AFG2A: variants seen among roughly 807,000 people sequenced by gnomAD.
AFG2A encodes AAA ATPase AFG2A.
chr4:123,167,407 G>T, the AFG2A span, among the ~76,000 whole-genome samples: 1 of 151,882 alleles, frequency 6.6e-6, no homozygotes, highest in Admixed American at 6.6e-5. Flanking sequence ...GAGTGCAGTG[G>T]CACGATTTCG....
At chr4:123,309,854 T>G in the AFG2A span, among the ~76,000 whole-genome samples, 1 of 152,230 alleles carries the variant, frequency 6.6e-6, no homozygotes, top group Non-Finnish European at 1.5e-5. Context: ...ACCTGTATAG[T>G]GTTGCCCAAA....
At chr4:122,938,328 G>C in the AFG2A span, 1 of 1,320,442 alleles carries the variant, frequency 7.6e-7, no homozygotes, top group Admixed American at 3.0e-5. Flanking sequence ...TATTGAATGT[G>C]TCAGAGTCTT....
At chr4:123,173,558 G>T in the AFG2A span, among the ~76,000 whole-genome samples, 2 of 151,802 alleles carry the variant, frequency 1.3e-5, no homozygotes, top group Non-Finnish European at 2.9e-5. Context: ...GTTTCACCAT[G>T]TTGGCCAGGC....
the AFG2A span, among the ~76,000 whole-genome samples, chr4:123,101,214 A>G: frequency 1.3e-5 from 2 of 151,948 alleles, no homozygotes; most frequent in Admixed American, 6.6e-5. Context: ...ATTGACATGG[A>G]GATAATTAGG....
chr4:122,956,465 GGGGTATAA>G, the AFG2A span, among the ~76,000 whole-genome samples: 1 of 151,856 alleles, frequency 6.6e-6, no homozygotes, highest in Admixed American at 6.6e-5. Flanking sequence ...CTTGTTTAGA[GGGGTATAA>G]GACTTTATAA....
At chr4:122,923,200 T>A in the AFG2A span, 1 of 1,614,258 alleles carries the variant, frequency 6.2e-7, no homozygotes, top group Middle Eastern at 1.6e-4. Context: ...TGGTTCGTCC[T>A]TGCCCTCTGC....
the AFG2A span, among the ~76,000 whole-genome samples, chr4:123,106,220 G>A: frequency 6.6e-6 from 1 of 152,066 alleles, no homozygotes; most frequent in African/African-American, 2.4e-5. Flanking sequence ...TAGCAATAAA[G>A]GATTTTTAAA....
chr4:123,243,833 G>A, the AFG2A span, among the ~76,000 whole-genome samples: 25 of 151,592 alleles, frequency 1.6e-4, no homozygotes, highest in South Asian at 1.9e-3. Flanking sequence ...CCTGGGCACC[G>A]TAGGGAGACC....
the AFG2A span, chr4:123,057,148 C>A: frequency 6.4e-7 from 1 of 1,568,010 alleles, no homozygotes; most frequent in African/African-American, 1.4e-5. Flanking sequence ...TTAAAACAAA[C>A]CAACTACAGA....
chr4:123,102,798 C>CTG, the AFG2A span, among the ~76,000 whole-genome samples: 22,405 of 140,950 alleles, frequency 0.16, 1,666 homozygotes, highest in Middle Eastern at 0.21. Flanking sequence ...TCCTGGCATT[C>CTG]TGTGTGTGTG....
At chr4:123,046,133 C>A in the AFG2A span, among the ~76,000 whole-genome samples, 1 of 151,628 alleles carries the variant, frequency 6.6e-6, no homozygotes, top group Non-Finnish European at 1.5e-5. Flanking sequence ...GAAATAAATA[C>A]CCTATTTCTT....
the AFG2A span, among the ~76,000 whole-genome samples, chr4:122,998,324 ATTATAC>A: frequency 4.6e-5 from 7 of 151,950 alleles, no homozygotes; most frequent in Non-Finnish European, 1.0e-4. Context: ...TTTTATTATT[ATTATAC>A]TTTAAGTTTT....
the AFG2A span, among the ~76,000 whole-genome samples, chr4:123,306,286 T>C: frequency 6.6e-6 from 1 of 152,192 alleles, no homozygotes; most frequent in African/African-American, 2.4e-5. Context: ...CCTGCCTTTG[T>C]TGTTTTATGT....
chr4:123,290,214 T>G, the AFG2A span, among the ~76,000 whole-genome samples: 1 of 152,192 alleles, frequency 6.6e-6, no homozygotes, highest in Non-Finnish European at 1.5e-5. Context: ...TAAAGTTCCA[T>G]TTGTCTATTT....
the AFG2A span, among the ~76,000 whole-genome samples, chr4:122,996,943 A>C: frequency 6.6e-6 from 1 of 152,076 alleles, no homozygotes; most frequent in East Asian, 1.9e-4. Context: ...CTGCCTTTTA[A>C]TTTTGTCTGG....
chr4:123,300,717 T>C, the AFG2A span, among the ~76,000 whole-genome samples: 1 of 151,620 alleles, frequency 6.6e-6, no homozygotes, highest in South Asian at 2.1e-4. Flanking sequence ...ACTAGTGTGC[T>C]TAAATTTTCA....
the AFG2A span, among the ~76,000 whole-genome samples, chr4:123,263,382 G>A: frequency 1.3e-5 from 2 of 152,152 alleles, no homozygotes; most frequent in African/African-American, 4.8e-5. Flanking sequence ...TCTGTACAAG[G>A]TGTCTTATTT....
chr4:123,248,695 T>G, the AFG2A span, among the ~76,000 whole-genome samples: 3 of 152,192 alleles, frequency 2.0e-5, no homozygotes, highest in African/African-American at 4.8e-5. Flanking sequence ...AGTAGAGAAT[T>G]GCTGAATATC....
the AFG2A span, among the ~76,000 whole-genome samples, chr4:123,100,547 C>T: frequency 6.6e-6 from 1 of 151,874 alleles, no homozygotes; most frequent in African/African-American, 2.4e-5. Context: ...TAACATCCAC[C>T]AACAAATATA....
Sources: allele counts gnomAD v4.1 joint callset (sites outside exome capture counted in the v4.1 genomes callset), GRCh38; gene constraint gnomAD v4.1.1; transcripts MANE v1.5; gene names NCBI Gene and HGNC (gene_info 2026-07-23, HGNC 2026-07-21).